DEFB124: variants seen among roughly 807,000 people sequenced by gnomAD.
The protein encoded by DEFB124 is beta-defensin 124.
For synonymous variants in DEFB124, 38 were observed against 36.5 expected, an observed-to-expected ratio of 1.04 and a Z score of -0.15; for missense variants, 78 against 83.1, an observed-to-expected ratio of 0.94 and a Z score of 0.24.
At position 31,466,606 on chromosome 20, in the gene DEFB124, A is replaced by AATATATATATAT. The variant is rs369305241; in HGVS notation, c.59-955_59-944dup. ...CAAACTAAGACTCCATCTCAAAAAGAATATATATATATATATAAAACCTTA... is the reference window on the plus strand; with the variant it reads ...CAAACTAAGACTCCATCTCAAAAAGAATATATATATATATATATATATATATATAAAACCTTA... On this transcript the variant is annotated intron_variant, in intron 2 of 2. Coordinates refer to ENST00000317676, the MANE Select transcript of DEFB124 (RefSeq NM_001037500.2). Among the ~76,000 whole-genome samples the AATATATATATAT allele has an allele frequency of 7.0e-3, 847 of 120,464 alleles. 70 individuals carry two copies. The highest frequency in any genetic ancestry group is 0.031 in the African/African-American group (753 of 24,150). The allele number at this position is 120,464 out of a possible 152,430, so 79.0% of individuals were successfully genotyped here. A position where few individuals can be genotyped will look rare whatever the true frequency, so the allele number is the denominator to read the frequency against.
chr20:31,472,149 C>T (rs1232858635), intron 2 of DEFB124, among the ~76,000 whole-genome samples: 2 of 151,188 alleles, frequency 1.3e-5, no homozygotes, highest in Non-Finnish European at 3.0e-5. Context: ...GTCTGCAATC[C>T]CGGCACCTCG....
At chr20:31,466,537 C>A (rs1262386064) in intron 2 of DEFB124, among the ~76,000 whole-genome samples, 1 of 150,144 alleles carries the variant, frequency 6.7e-6, no homozygotes, top group East Asian at 1.9e-4. Context: ...AAGGCGGAGG[C>A]TGCAGTGAGC....
At chr20:31,471,772 G>A (rs1438147709) in intron 2 of DEFB124, among the ~76,000 whole-genome samples, 1 of 149,442 alleles carries the variant, frequency 6.7e-6, no homozygotes, top group South Asian at 2.1e-4. Context: ...ACGGGGCGGC[G>A]GGGCAGAGGC....
At chr20:31,466,109 A>T (rs1980077257) in intron 2 of DEFB124, among the ~76,000 whole-genome samples, 1 of 152,144 alleles carries the variant, frequency 6.6e-6, no homozygotes, top group Non-Finnish European at 1.5e-5. Context: ...GTGAGCTGAG[A>T]TTGTGCCACT....
rs148374694 is a variant in DEFB124 at position 31,465,790 on chromosome 20, A to T, written c.59-127T>A. 526 of 1,108,944 alleles carry T rather than the reference A, an allele frequency of 4.7e-4. No homozygotes were observed. The Middle Eastern group carries it at 5.9e-3, about 12-fold the overall frequency. The allele number at this position is 1,108,944 out of a possible 1,614,324, so 68.7% of individuals were successfully genotyped here. A position where few individuals can be genotyped will look rare whatever the true frequency, so the allele number is the denominator to read the frequency against. On this transcript the variant is annotated intron_variant, in intron 2 of 2. Transcript: ENST00000317676. ...TAGCTCTCTGGTCTTCTGTTAGATC[A>T]CTAGTCACAGATGAGAGTACTGATT...
intron 2 of DEFB124, among the ~76,000 whole-genome samples, chr20:31,470,560 A>ACTC (rs1568757733): frequency 2.8e-5 from 2 of 71,758 alleles, no homozygotes; most frequent in African/African-American, 5.9e-5. Flanking sequence ...CGGGGGGCTG[A>ACTC]CCCCACCTCC....
intron 2 of DEFB124, among the ~76,000 whole-genome samples, chr20:31,468,536 C>T (rs748029298): frequency 1.8e-4 from 27 of 151,326 alleles, no homozygotes; most frequent in Admixed American, 1.4e-3. Flanking sequence ...AGAGCAGTGG[C>T]GCAATCACGG....
At chr20:31,469,317 G>A (rs1980163449) in intron 2 of DEFB124, among the ~76,000 whole-genome samples, 2 of 152,174 alleles carry the variant, frequency 1.3e-5, no homozygotes, top group Admixed American at 1.3e-4. Context: ...CAGCTACTCG[G>A]GAGGCTGAGG....
intron 2 of DEFB124, among the ~76,000 whole-genome samples, chr20:31,471,278 A>ACCTC (rs1980284919): frequency 1.1e-5 from 1 of 88,710 alleles, no homozygotes; most frequent in Non-Finnish European, 2.2e-5. Flanking sequence ...GGCGCCCCTC[A>ACCTC]CCTCCCGGAC....
Position 31,465,509 on chromosome 20 carries a change from C to G in DEFB124, c.213G>C (p.Glu71Asp). 6.2e-7 allele frequency: 1 copy of G among 1,614,102 alleles called. No individual in the cohort carries two copies. Among genetic ancestry groups the G allele is most frequent in the Non-Finnish European group, 8.5e-7 (1 of 1,179,998 alleles). Reference sequence around the variant, plus strand: ...TTTATTGGACAGCAGGAACCAGCTACTCATATTCATGCTTGGGGACCGGTG... The same window carrying G: ...TTTATTGGACAGCAGGAACCAGCTAGTCATATTCATGCTTGGGGACCGGTG... ...KPPPVPKHEY[E>D] The change falls in exon 3 of 3, where the codon GAG becomes GAC. Residue 71 changes from glutamate to aspartate, a missense_variant. Physicochemically the swap from Glu to Asp is conservative, Grantham distance 45. Transcript: ENST00000317676.
chr20:31,466,495 G>T (rs942856269), intron 2 of DEFB124, among the ~76,000 whole-genome samples: 3 of 151,786 alleles, frequency 2.0e-5, no homozygotes, highest in African/African-American at 7.3e-5. Flanking sequence ...AGCCACTCGG[G>T]GGGCTGAGAC....
At chr20:31,471,053 G>A (rs1487763495) in intron 2 of DEFB124, among the ~76,000 whole-genome samples, 6 of 137,014 alleles carry the variant, frequency 4.4e-5, no homozygotes, top group Admixed American at 7.0e-5. Flanking sequence ...CGGGCGGGGG[G>A]CTGACCCCCC....
intron 2 of DEFB124, among the ~76,000 whole-genome samples, chr20:31,468,221 G>T (rs1980130649): frequency 6.6e-6 from 1 of 152,160 alleles, no homozygotes; most frequent in Non-Finnish European, 1.5e-5. Flanking sequence ...CCTCCTTGCT[G>T]CTGTTCAAAC....
intron 2 of DEFB124, chr20:31,472,547 T>C (rs1365085836): frequency 6.0e-6 from 1 of 166,480 alleles, no homozygotes; most frequent in Admixed American, 6.0e-5. Context: ...ACCCCCTCCA[T>C]GCACACACCA....
chr20:31,470,466 G>A (rs1332229705), intron 2 of DEFB124, among the ~76,000 whole-genome samples: 1 of 137,760 alleles, frequency 7.3e-6, no homozygotes, highest in Non-Finnish European at 1.6e-5. Flanking sequence ...GGGGTGGCTG[G>A]CCTGGCAGAG....
At chr20:31,472,553 C>G (rs74969534) in intron 2 of DEFB124, 3 of 169,362 alleles carry the variant, frequency 1.8e-5, no homozygotes, top group Non-Finnish European at 3.8e-5. Context: ...TCCATGCACA[C>G]ACCACTCTAA....
intron 2 of DEFB124, among the ~76,000 whole-genome samples, chr20:31,468,839 G>A (rs1407259928): frequency 1.3e-5 from 2 of 151,910 alleles, no homozygotes; most frequent in African/African-American, 2.4e-5. Context: ...AAAGTTTCTG[G>A]CTGGGCTCAT....
chr20:31,474,018 T>C (rs61400431), intron 1 of DEFB124, among the ~76,000 whole-genome samples: 1 of 151,988 alleles, frequency 6.6e-6, no homozygotes, highest in Admixed American at 6.6e-5. Flanking sequence ...CCTAGAAGAG[T>C]AGGGCATGAG....
At chr20:31,472,157 T>G (rs1237344319) in intron 2 of DEFB124, among the ~76,000 whole-genome samples, 2 of 151,434 alleles carry the variant, frequency 1.3e-5, no homozygotes, top group African/African-American at 4.8e-5. Context: ...TCCCGGCACC[T>G]CGGGAGGCCG....
Sources: allele counts gnomAD v4.1 joint callset (sites outside exome capture counted in the v4.1 genomes callset), GRCh38; gene constraint gnomAD v4.1.1; transcripts MANE v1.5; gene names NCBI Gene and HGNC (gene_info 2026-07-23, HGNC 2026-07-21).